The following TEAD3 variants were observed in gnomAD, a reference collection of about 807,000 sequenced individuals.
The protein encoded by TEAD3 is transcriptional enhancer factor TEF-5.
A neutral mutation model predicts 55.6 loss-of-function variants in TEAD3; 15 were observed. The observed-to-expected ratio is 0.27, with a 90% CI of 0.18 to 0.42. The LOEUF (loss-of-function observed/expected upper bound fraction) is 0.42, where lower values mean the gene tolerates loss of function less well. TEAD3 is among the 10% of genes least tolerant of loss of function. The pLI, the probability that TEAD3 is intolerant of heterozygous loss-of-function variation, is 1.00. For synonymous variants in TEAD3, 210 were observed against 232.2 expected, an observed-to-expected ratio of 0.90 and a Z score of 0.87; for missense variants, 407 against 576.8, an observed-to-expected ratio of 0.71 and a Z score of 3.01.
At position 35,488,536 on chromosome 6, in the gene TEAD3, G is replaced by C. The variant is rs952847611; in HGVS notation, c.-49-1825C>G. On this transcript the variant is annotated intron_variant, in intron 1 of 12. Transcript: ENST00000639578. This position sits in a 1 kb window ranked among gnomAD's most constrained non-coding sequence, Gnocchi z 4.2. ...GAGGGGTGGAGATGTAGGGGACACC[G>C]TCAGAAGCCAGGGAGAGGAAGATGA... 9.9e-5 allele frequency among the ~76,000 whole-genome samples: 15 copies of C among 152,126 alleles called. No homozygotes were observed. The highest frequency in any genetic ancestry group is 3.3e-4 in the Admixed American group (5 of 15,282).
intron 5 of TEAD3, 120 bp from the exon 6 acceptor site, chr6:35,478,691 T>G: frequency 7.5e-7 from 1 of 1,327,560 alleles, no homozygotes; most frequent in Non-Finnish European, 1.0e-6. Context: ...TTCCTGAAGA[T>G]CCAGGCCTGG....
In TEAD3 at chr6:35,485,398, G is replaced by C. The variant is rs1768353802; in HGVS notation, c.203-774C>G. 1.3e-5 allele frequency among the ~76,000 whole-genome samples: 2 copies of C among 152,152 alleles called. No homozygotes were observed. The highest frequency in any genetic ancestry group is 2.9e-5 in the Non-Finnish European group (2 of 68,018). ...TGCCAGTGTCCAGGGACTTGGGCCT[G>C]AAAGGGGGATGCCTGGGCCACACGG... On this transcript the variant is annotated intron_variant, in intron 2 of 12. Coordinates refer to ENST00000639578, the Ensembl canonical transcript of TEAD3. The surrounding 1 kb of genome is among the most constrained non-coding windows in gnomAD (Gnocchi z 4.3).
At position 35,484,556 on chromosome 6, in the gene TEAD3, C is replaced by A; in HGVS notation, c.267+4G>T. 1 of 1,601,496 alleles carries A rather than the reference C, an allele frequency of 6.2e-7. No individual in the cohort carries two copies. The highest frequency in any genetic ancestry group is 2.2e-5 in the East Asian group (1 of 44,474). Reference sequence around the variant, plus strand: ...GGCAGGCCCAGCATAAACCGTCTCTCTACCTGTTTTCTCGTCCGAGTCTTC... The same window carrying A: ...GGCAGGCCCAGCATAAACCGTCTCTATACCTGTTTTCTCGTCCGAGTCTTC... On this transcript the variant is annotated splice_donor_region_variant and intron_variant, in intron 3 of 12. Transcript: ENST00000639578. The surrounding 1 kb of genome is among the most constrained non-coding windows in gnomAD (Gnocchi z 5.8).
rs71567501 is a variant in TEAD3, at chr6:35,486,265, G to A, written c.202+196C>T. 0.017 allele frequency among the ~76,000 whole-genome samples: 2,575 copies of A among 152,308 alleles called. 36 individuals are homozygous for A. The highest frequency in any genetic ancestry group is 0.025 in the Non-Finnish European group (1,719 of 68,014). On this transcript the variant is annotated intron_variant, in intron 2 of 12. Transcript: ENST00000639578. The surrounding 1 kb of genome is among the most constrained non-coding windows in gnomAD (Gnocchi z 7.3). The stretch of plus-strand genomic sequence containing the variant: ...GAGCAGGCGGGGGTGCCAAGGTGTG[G>A]GCTGCGCCCTGGTTAGGGGGCGAGC...
At chr6:35,477,235 C>T (rs1198570179) in intron 8 of TEAD3, 76 bp downstream of exon 8, 62 of 1,520,746 alleles carry the variant, frequency 4.1e-5, no homozygotes, top group Middle Eastern at 1.7e-4. Context: ...CCAAAGCAAA[C>T]ACACACAGTT....
Position 35,475,720 on chromosome 6 carries a change from T to G in TEAD3, c.901-14A>C, listed in dbSNP as rs12524879. 1 of 1,568,360 alleles carries G rather than the reference T, an allele frequency of 6.4e-7. No individual in the cohort carries two copies. The highest frequency in any genetic ancestry group is 8.6e-7 in the Non-Finnish European group (1 of 1,156,870). ...GTTGAGGTCGGCCTGGGCATGGGGG[T>G]GGGGGGTGTTAGGTGCTGGCAGAGA... is the stretch of plus-strand genomic sequence containing the variant. On this transcript the variant is annotated splice_polypyrimidine_tract_variant and intron_variant, in intron 10 of 12. Transcript: ENST00000639578. This position sits in a 1 kb window ranked among gnomAD's most constrained non-coding sequence, Gnocchi z 5.4.
exon 10 of TEAD3, chr6:35,476,066 G>C: frequency 6.5e-7 from 1 of 1,538,642 alleles, no homozygotes; most frequent in African/African-American, 1.4e-5. Flanking sequence ...TCGTCTGGCC[G>C]ATGTGCACAA....
Position 35,480,383 on chromosome 6 carries a change from C to T in TEAD3, c.268-261G>A. 6.2e-7 allele frequency: 1 copy of T among 1,613,474 alleles called. No homozygotes were observed. The highest frequency in any genetic ancestry group is 8.5e-7 in the Non-Finnish European group (1 of 1,179,732). On this transcript the variant is annotated intron_variant, in intron 3 of 12. Coordinates refer to ENST00000639578, the Ensembl canonical transcript of TEAD3. ...TGTATGTGGCTGGACACCTAGGGGCCGCCCCGCGCCCCGCCAGAGAGGAAA... is the reference window on the plus strand; with the variant it reads ...TGTATGTGGCTGGACACCTAGGGGCTGCCCCGCGCCCCGCCAGAGAGGAAA...
intron 9 of TEAD3, 39 bp downstream of exon 9, chr6:35,476,263 A>C (rs1381123133): frequency 6.2e-7 from 1 of 1,601,082 alleles, no homozygotes; most frequent in Admixed American, 1.7e-5. Flanking sequence ...GCCTCTCCAC[A>C]ATTGTGCAAA....
At position 35,490,389 on chromosome 6, in the gene TEAD3, G is replaced by A. The variant is rs536563270; in HGVS notation, c.-49-3678C>T. Among the ~76,000 whole-genome samples, 9 of 152,234 alleles carry A rather than the reference G, an allele frequency of 5.9e-5. 1 individual carries two copies. In the South Asian group the frequency reaches 1.9e-3, roughly 32 times the overall value. On this transcript the variant is annotated intron_variant, in intron 1 of 12. Coordinates refer to ENST00000639578, the Ensembl canonical transcript of TEAD3. ...AAAGGACGTGTCAAGGAGAGAATAG[G>A]ACCACCGTCCCTCCCTTCGGCTGGC...
chr6:35,489,247 T>G (rs1321005014), intron 1 of TEAD3, among the ~76,000 whole-genome samples: 1 of 152,194 alleles, frequency 6.6e-6, no homozygotes, highest in Non-Finnish European at 1.5e-5. Flanking sequence ...GGGCAGATAC[T>G]ATTATTATTC....
At chr6:35,474,389 A>G (rs1171110947), downstream of TEAD3, 2 of 152,950 alleles carry the variant, frequency 1.3e-5, no homozygotes, top group Admixed American at 6.5e-5. Flanking sequence ...GGGAGGTAGT[A>G]TAAACCTGGG....
At position 35,486,726 on chromosome 6, in the gene TEAD3, G is replaced by C. The variant is rs1382326098; in HGVS notation, c.-49-15C>G. 1 of 1,554,348 alleles carries C rather than the reference G, an allele frequency of 6.4e-7. No homozygotes were observed. The highest frequency in any genetic ancestry group is 1.4e-5 in the African/African-American group (1 of 73,912). On this transcript the variant is annotated splice_polypyrimidine_tract_variant and intron_variant, in intron 1 of 12. Transcript: ENST00000639578. The surrounding 1 kb of genome is among the most constrained non-coding windows in gnomAD (Gnocchi z 7.3). The stretch of plus-strand genomic sequence containing the variant: ...GGCGGCTGAGCCTGGGGGACAGACA[G>C]ACAGGAACTGGGACCAGGGTCCTCC...
chr6:35,475,871 C>T lies in TEAD3; in HGVS notation c.900+48G>A, dbSNP rs553993294. ...TGCAGTGGGCCTGGATGTTGCACCT[C>T]TGGGGTGGGGAAGGGGGCTTGGAGC... On this transcript the variant is annotated intron_variant, in intron 10 of 12. Coordinates refer to ENST00000639578, the Ensembl canonical transcript of TEAD3. The surrounding 1 kb of genome is among the most constrained non-coding windows in gnomAD (Gnocchi z 5.4). 9 of 1,506,776 alleles carry T rather than the reference C, an allele frequency of 6.0e-6. No individual in the cohort carries two copies. In the South Asian group the frequency reaches 1.2e-4, roughly 20 times the overall value. The allele number at this position is 1,506,776 out of a possible 1,614,324, so 93.3% of individuals were successfully genotyped here. A position where few individuals can be genotyped will look rare whatever the true frequency, so the allele number is the denominator to read the frequency against.
In TEAD3 at chr6:35,478,448, A is replaced by G. The variant is rs144697750; in HGVS notation, c.466T>C (p.Ser156Pro). 8,082 of 1,613,560 alleles carry G rather than the reference A, an allele frequency of 5.0e-3. 33 individuals carry two copies. Among genetic ancestry groups the G allele is most frequent in the South Asian group, 6.4e-3 (585 of 91,004 alleles). Residue 156 changes from serine to proline, a missense_variant, in exon 6 of 13, where the codon TCC becomes CCC. By Grantham distance (74) the Ser-to-Pro change is moderately conservative (BLOSUM62 -1). Transcript: ENST00000639578. ...GACCCATGTACCCGCGAGGAAGTGG[A>G]GAAGACGGCCTGGGGCAGAGGGGAA...
chr6:35,482,324 A>G (rs1186402372), intron 3 of TEAD3, among the ~76,000 whole-genome samples: 2 of 152,220 alleles, frequency 1.3e-5, no homozygotes, highest in African/African-American at 2.4e-5. Flanking sequence ...TTTTTAACAC[A>G]TAAAGACATG....
chr6:35,481,319 A>G (rs980926912), intron 3 of TEAD3, among the ~76,000 whole-genome samples: 1 of 152,114 alleles, frequency 6.6e-6, no homozygotes, highest in Non-Finnish European at 1.5e-5. Context: ...TGTTTTCCCC[A>G]GGAAACACAC....
At position 35,484,665 on chromosome 6, in the gene TEAD3, G is replaced by C; in HGVS notation, c.203-41C>G. 1 of 1,553,308 alleles carries C rather than the reference G, an allele frequency of 6.4e-7. No homozygotes were observed. Among genetic ancestry groups the C allele is most frequent in the Non-Finnish European group, 8.7e-7 (1 of 1,144,664 alleles). On this transcript the variant is annotated intron_variant, in intron 2 of 12. Coordinates refer to ENST00000639578, the Ensembl canonical transcript of TEAD3. This position sits in a 1 kb window ranked among gnomAD's most constrained non-coding sequence, Gnocchi z 5.8. ...AGAGAAAATGAGGAGTGGGCAAAGGGTGGAGCCAGAGGCTGGAGGCCCCCA... is the reference window on the plus strand; with the variant it reads ...AGAGAAAATGAGGAGTGGGCAAAGGCTGGAGCCAGAGGCTGGAGGCCCCCA...
chr6:35,484,587 C>T lies in TEAD3; in HGVS notation c.240G>A (p.Arg80=), dbSNP rs1036209531. The T allele has an allele frequency of 1.2e-6, 2 of 1,605,374 alleles. No homozygotes were observed. Among genetic ancestry groups the T allele is most frequent in the Non-Finnish European group, 1.7e-6 (2 of 1,176,050 alleles). Residue 80 remains arginine (R), a synonymous_variant, in exon 3 of 13, where the codon AGG becomes AGA. Transcript: ENST00000639578. This position sits in a 1 kb window ranked among gnomAD's most constrained non-coding sequence, Gnocchi z 5.8. ...GTTTTCTCGTCCGAGTCTTCCCCGT[C>T]CTCAGTTTAATATAGCGTGCAATCA... is the stretch of plus-strand genomic sequence containing the variant.
Sources: allele counts gnomAD v4.1 joint callset (sites outside exome capture counted in the v4.1 genomes callset), GRCh38; gene constraint gnomAD v4.1.1; non-coding constraint Gnocchi (gnomAD v3.1); transcripts MANE v1.5; gene names NCBI Gene and HGNC (gene_info 2026-07-23, HGNC 2026-07-21).